RASEF: variants seen among roughly 807,000 people sequenced by gnomAD.
The protein encoded by RASEF is ras and EF-hand domain-containing protein.
Under a neutral mutation model 90.1 loss-of-function variants are expected in RASEF, and 68 were observed. The observed-to-expected ratio is 0.75, with a 90% confidence interval of 0.62 to 0.92. The LOEUF is 0.92. Ranked by LOEUF, RASEF falls within the 40% of genes least tolerant of loss-of-function variation. The pLI is 0.00. For synonymous variants in RASEF, 331 were observed against 345.2 expected, an observed-to-expected ratio of 0.96 and a Z score of 0.46; for missense variants, 949 against 937.2, an observed-to-expected ratio of 1.01 and a Z score of -0.16.
chr9:83,061,651 A>C (rs552012066), intron 1 of RASEF, among the ~76,000 whole-genome samples: 1 of 152,336 alleles, frequency 6.6e-6, no homozygotes, highest in South Asian at 2.1e-4. Context: ...TCCCACCTGC[A>C]GGCATCCCCT....
At chr9:83,075,069 A>G in the RASEF span, among the ~76,000 whole-genome samples, 1 of 152,214 alleles carries the variant, frequency 6.6e-6, no homozygotes, top group African/African-American at 2.4e-5. Flanking sequence ...TTACAGAAGG[A>G]TCCTATGATC....
chr9:83,136,861 A>C, the RASEF span, among the ~76,000 whole-genome samples: 1 of 152,188 alleles, frequency 6.6e-6, no homozygotes, highest in East Asian at 1.9e-4. Context: ...AATATTAACT[A>C]TGTCAGTGCC....
At chr9:83,175,490 A>T in the RASEF span, among the ~76,000 whole-genome samples, 1 of 152,202 alleles carries the variant, frequency 6.6e-6, no homozygotes, top group South Asian at 2.1e-4. Flanking sequence ...TTTATATATG[A>T]TGCTGGATTT....
intron 15 of RASEF, among the ~76,000 whole-genome samples, chr9:82,991,905 C>G (rs919924575): frequency 1.3e-5 from 2 of 152,198 alleles, no homozygotes; most frequent in African/African-American, 4.8e-5. Context: ...CTCCCTCAGA[C>G]AGTAAACAAT....
At chr9:83,013,719 T>G (rs1306092104) in intron 4 of RASEF, among the ~76,000 whole-genome samples, 1 of 152,230 alleles carries the variant, frequency 6.6e-6, no homozygotes, top group Non-Finnish European at 1.5e-5. Context: ...TTAACCTCCC[T>G]GGAACTCAGT....
chr9:83,164,276 C>G, the RASEF span, among the ~76,000 whole-genome samples: 1 of 147,308 alleles, frequency 6.8e-6, no homozygotes, highest in Non-Finnish European at 1.5e-5. Context: ...CTTAATTGAC[C>G]TAACAGATAA....
chr9:83,034,739 G>A (rs1012270464), intron 1 of RASEF, among the ~76,000 whole-genome samples: 3 of 152,188 alleles, frequency 2.0e-5, no homozygotes, highest in South Asian at 2.1e-4. Flanking sequence ...CAGGATAAGT[G>A]GAATGACCTG....
At chr9:83,084,598 G>C in the RASEF span, among the ~76,000 whole-genome samples, 1 of 152,162 alleles carries the variant, frequency 6.6e-6, no homozygotes, top group African/African-American at 2.4e-5. Context: ...ACCATAAACT[G>C]TTAAAAAATA....
At chr9:83,143,693 T>C in the RASEF span, among the ~76,000 whole-genome samples, 1 of 152,200 alleles carries the variant, frequency 6.6e-6, no homozygotes, top group Admixed American at 6.5e-5. Context: ...AGGGAACCCT[T>C]AGACACTGTT....
At chr9:83,121,046 C>T in the RASEF span, among the ~76,000 whole-genome samples, 1 of 152,098 alleles carries the variant, frequency 6.6e-6, no homozygotes, top group African/African-American at 2.4e-5. Context: ...ATTACAGTTG[C>T]TTTGGAGCAG....
chr9:83,156,263 A>T, the RASEF span, among the ~76,000 whole-genome samples: 1 of 152,084 alleles, frequency 6.6e-6, no homozygotes, highest in Non-Finnish European at 1.5e-5. Flanking sequence ...TTTAATTTCA[A>T]CCTCTTCTTC....
At chr9:83,101,439 T>C in the RASEF span, among the ~76,000 whole-genome samples, 1 of 152,224 alleles carries the variant, frequency 6.6e-6, no homozygotes, top group African/African-American at 2.4e-5. Context: ...AAACAAATTG[T>C]GAAATATCGT....
At chr9:83,144,376 A>AAAGAAAGAAAGAAAGG in the RASEF span, among the ~76,000 whole-genome samples, 1 of 65,620 alleles carries the variant, frequency 1.5e-5, no homozygotes, top group East Asian at 4.6e-4. Flanking sequence ...AGAAAGAAAG[A>AAAGAAAGAAAGAAAGG]AAGAAAGAAA....
At chr9:83,182,945 G>C in the RASEF span, among the ~76,000 whole-genome samples, 1 of 152,076 alleles carries the variant, frequency 6.6e-6, no homozygotes, top group East Asian at 1.9e-4. Flanking sequence ...ATCACGCCAA[G>C]CGAAAGAAGA....
intron 1 of RASEF, among the ~76,000 whole-genome samples, chr9:83,036,604 A>AT (rs1226174843): frequency 2.0e-5 from 3 of 152,328 alleles, no homozygotes; most frequent in African/African-American, 7.2e-5. Context: ...GAAAGTAGAT[A>AT]AATGCATAAC....
chr9:83,012,498 GA>G lies in RASEF; in HGVS notation c.778del (p.Ser260GlnfsTer4), dbSNP rs757917665. On this transcript the variant is annotated frameshift_variant, in exon 5 of 17. Transcript: ENST00000376447. LOFTEE classifies it high-confidence loss of function. Reference protein sequence around the residue: ...IKKLRKLEEQSKRVSQKEDVA... With the variant: ...IKKLRKLEEQXKRVSQKEDVA... ...ATCTTCCTTTTGACTTACGCGTTTT[GA>G]TTGTTCTTCGAGCTGAAAGACCAAA... The G allele has an allele frequency of 6.3e-7, 1 of 1,582,130 alleles. No individual in the cohort carries two copies. The highest frequency in any genetic ancestry group is 1.2e-5 in the South Asian group (1 of 86,450).
chr9:83,023,439 G>C (rs1429354157), intron 2 of RASEF, among the ~76,000 whole-genome samples: 1 of 152,044 alleles, frequency 6.6e-6, no homozygotes, highest in Non-Finnish European at 1.5e-5. Flanking sequence ...TAGTTTGATG[G>C]GTCTCTGCTA....
the RASEF span, among the ~76,000 whole-genome samples, chr9:83,093,768 G>A: frequency 6.6e-6 from 1 of 152,228 alleles, no homozygotes; most frequent in Non-Finnish European, 1.5e-5. Context: ...TGCAGCGGTG[G>A]GCTGAAGGGC....
chr9:83,115,091 A>C, the RASEF span, among the ~76,000 whole-genome samples: 1 of 152,022 alleles, frequency 6.6e-6, no homozygotes, highest in African/African-American at 2.4e-5. Context: ...CTGTCCTTTT[A>C]TTTCTCAAAC....
Sources: allele counts gnomAD v4.1 joint callset (sites outside exome capture counted in the v4.1 genomes callset), GRCh38; gene constraint gnomAD v4.1.1; transcripts MANE v1.5; gene names NCBI Gene and HGNC (gene_info 2026-07-23, HGNC 2026-07-21).